The following MGAT4C variants were observed in gnomAD, a reference collection of about 807,000 sequenced individuals.
MGAT4C encodes the protein alpha-1,3-mannosyl-glycoprotein 4-beta-N-acetylglucosaminyltransferase C.
MGAT4C carries 19 observed loss-of-function variants against 40.1 expected under a neutral mutation model. That is an observed-to-expected ratio of 0.47 (90% confidence interval 0.33 to 0.70). The LOEUF is 0.70. MGAT4C is among the 30% of genes least tolerant of loss of function. MGAT4C has a pLI of 0.02. For missense variants in MGAT4C, 491 were observed against 563.2 expected, an observed-to-expected ratio of 0.87 and a Z score of 1.30; for synonymous variants, 181 against 187.1, an observed-to-expected ratio of 0.97 and a Z score of 0.27.
chr12:86,010,690 A>C (rs1888373677), intron 2 of MGAT4C, among the ~76,000 whole-genome samples: 1 of 98,598 alleles, frequency 1.0e-5, no homozygotes, highest in African/African-American at 3.0e-5. Context: ...ACAAACAAAC[A>C]AACCAACAAA....
rs1339251436 is a variant in MGAT4C, at chr12:85,965,649, C to A, written c.*13640G>T. On this transcript the variant is annotated 3_prime_UTR_variant, in exon 5 of 5. Transcript: ENST00000611864. ...CACTCTGAACAATTGAACAAGACTA[C>A]GCTGAAAGGCAGAGAAGAAGTAATT... The A allele has an allele frequency of 6.9e-6, 1 of 145,324 alleles. No individual in the cohort carries two copies. The highest frequency in any genetic ancestry group is 2.5e-5 in the African/African-American group (1 of 39,248). 9.0% of individuals were successfully genotyped at this position (145,324 alleles called of 1,614,324 possible).
chr12:86,150,816 A>G (rs1330270553), intron 1 of MGAT4C, among the ~76,000 whole-genome samples: 1 of 152,174 alleles, frequency 6.6e-6, no homozygotes, highest in Non-Finnish European at 1.5e-5. Context: ...AGAGAAACCA[A>G]CAGAAGTCAC....
At chr12:86,733,619 T>C (rs1423276091) in intron 1 of MGAT4C, among the ~76,000 whole-genome samples, 1 of 152,052 alleles carries the variant, frequency 6.6e-6, no homozygotes, top group African/African-American at 2.4e-5. Flanking sequence ...TGATTGTACA[T>C]CACAATAGAT....
At chr12:86,421,102 A>G (rs1474777064) in intron 3 of MGAT4C, among the ~76,000 whole-genome samples, 1 of 152,084 alleles carries the variant, frequency 6.6e-6, no homozygotes, top group Admixed American at 6.6e-5. Context: ...TCTTCTCTGG[A>G]AAGTAGAATA....
At chr12:86,759,163 T>G (rs907256330) in intron 1 of MGAT4C, among the ~76,000 whole-genome samples, 1 of 152,142 alleles carries the variant, frequency 6.6e-6, no homozygotes, top group Non-Finnish European at 1.5e-5. Context: ...CTAGCTTATT[T>G]AATTTAACAT....
intron 4 of MGAT4C, among the ~76,000 whole-genome samples, chr12:86,326,162 C>A (rs376264989): frequency 6.6e-6 from 1 of 151,804 alleles, no homozygotes; most frequent in Non-Finnish European, 1.5e-5. Flanking sequence ...AAGCGGCCAA[C>A]AAATATTTAT....
intron 2 of MGAT4C, among the ~76,000 whole-genome samples, chr12:86,477,382 A>G (rs879383993): frequency 1.3e-5 from 2 of 152,018 alleles, no homozygotes; most frequent in African/African-American, 2.4e-5. Flanking sequence ...GGGCATAAAG[A>G]GGACCATAGT....
In MGAT4C at chr12:86,739,133, C is replaced by CAAAAAAAAA. The variant is rs59869666; in HGVS notation, c.-261-11901_-261-11893dup. The stretch of plus-strand genomic sequence containing the variant: ...TTTAATTCAGCTATGTTTCCCTGTG[C>CAAAAAAAAA]AAAAAAAAAAAAAAAAAAAAAAAAA... On this transcript the variant is annotated intron_variant, in intron 1 of 7. Transcript: ENST00000548651. 5.0e-3 allele frequency among the ~76,000 whole-genome samples: 199 copies of CAAAAAAAAA among 39,800 alleles called. 22 individuals carry two copies. Among genetic ancestry groups the CAAAAAAAAA allele is most frequent in the Non-Finnish European group, 7.2e-3 (172 of 23,938 alleles). The allele number at this position is 39,800 out of a possible 152,430, so 26.1% of individuals were successfully genotyped here.
chr12:86,635,414 A>G (rs935596314), intron 2 of MGAT4C, among the ~76,000 whole-genome samples: 1 of 152,062 alleles, frequency 6.6e-6, no homozygotes, highest in Non-Finnish European at 1.5e-5. Flanking sequence ...CATCAATTAC[A>G]TAGTATAGAA....
intron 2 of MGAT4C, among the ~76,000 whole-genome samples, chr12:86,584,467 TTTAAC>T (rs1457081221): frequency 1.9e-4 from 28 of 151,130 alleles, no homozygotes; most frequent in African/African-American, 5.1e-4. Flanking sequence ...AATTTGCTCT[TTTAAC>T]TTAACAATAT....
rs1882913442 is a variant in MGAT4C, at chr12:85,958,127, A to G, written c.*21162T>C. ...TGCTCTGTTGTCCAGGCTGGAGTGC[A>G]GTGGCATAATCTCTGCTTACCAAAA... On this transcript the variant is annotated 3_prime_UTR_variant, in exon 5 of 5. Coordinates refer to ENST00000611864, the MANE Select transcript of MGAT4C (RefSeq NM_001351288.2). 1.3e-5 allele frequency: 2 copies of G among 151,966 alleles called. No homozygotes were observed. The highest frequency in any genetic ancestry group is 2.1e-4 in the South Asian group (1 of 4,808). The allele number at this position is 151,966 out of a possible 1,614,324, so 9.4% of individuals were successfully genotyped here. A position where few individuals can be genotyped will look rare whatever the true frequency, so the allele number is the denominator to read the frequency against.
At chr12:86,215,777 G>A (rs926319773) in intron 1 of MGAT4C, among the ~76,000 whole-genome samples, 7 of 151,902 alleles carry the variant, frequency 4.6e-5, no homozygotes, top group Non-Finnish European at 8.8e-5. Flanking sequence ...TGTCAAAAGT[G>A]GGGTCCAAAG....
intron 1 of MGAT4C, among the ~76,000 whole-genome samples, chr12:86,224,554 T>C (rs1481262478): frequency 6.6e-6 from 1 of 152,186 alleles, no homozygotes; most frequent in Non-Finnish European, 1.5e-5. Flanking sequence ...TGTTACACCA[T>C]AAAACAAGTC....
At chr12:86,704,232 C>T (rs1950415626) in intron 2 of MGAT4C, among the ~76,000 whole-genome samples, 1 of 152,018 alleles carries the variant, frequency 6.6e-6, no homozygotes. Flanking sequence ...AGTTTTACCA[C>T]CTTGGAAGAA....
chr12:86,746,610 G>C (rs552569550), intron 1 of MGAT4C, among the ~76,000 whole-genome samples: 1 of 151,764 alleles, frequency 6.6e-6, no homozygotes, highest in African/African-American at 2.4e-5. Flanking sequence ...CAAATACAGT[G>C]AATTATTCAC....
At chr12:86,268,089 C>T (rs574686367) in intron 4 of MGAT4C, among the ~76,000 whole-genome samples, 89 of 152,162 alleles carry the variant, frequency 5.8e-4, no homozygotes, top group Middle Eastern at 3.4e-3. Context: ...TGTATGTCAA[C>T]CTTGAATTAT....
chr12:86,642,908 T>C (rs897752583), intron 2 of MGAT4C, among the ~76,000 whole-genome samples: 2 of 151,732 alleles, frequency 1.3e-5, no homozygotes, highest in African/African-American at 4.8e-5. Context: ...GAAACCTTCG[T>C]ACATGATTTC....
chr12:86,800,796 G>A (rs1179233297), intron 1 of MGAT4C, among the ~76,000 whole-genome samples: 2 of 151,862 alleles, frequency 1.3e-5, no homozygotes, highest in Non-Finnish European at 2.9e-5. Flanking sequence ...CCAAAATTTT[G>A]TCAGGCTTTC....
intron 2 of MGAT4C, among the ~76,000 whole-genome samples, chr12:86,577,355 G>T (rs539484710): frequency 1.5e-3 from 229 of 151,908 alleles, no homozygotes; most frequent in African/African-American, 5.2e-3. Context: ...GAATAACAGT[G>T]GTTAGAGTGG....
Sources: gnomAD v4.1 joint callset for allele counts (sites outside exome capture counted in the v4.1 genomes callset) on GRCh38, gnomAD v4.1.1 for gene constraint, MANE v1.5 for transcripts, NCBI Gene and HGNC (gene_info 2026-07-23, HGNC 2026-07-21) for gene names.